GLDN: variants seen among roughly 807,000 people sequenced by gnomAD.
The protein encoded by GLDN is collomin.
A neutral mutation model predicts 56.5 loss-of-function variants in GLDN; 47 were observed. The observed-to-expected ratio is 0.83, with a 90% CI of 0.66 to 1.06. The LOEUF (loss-of-function observed/expected upper bound fraction) is 1.06, where lower values mean the gene tolerates loss of function less well. Among genes scored for constraint, GLDN ranks in the 50% least tolerant of loss-of-function variants. The pLI, the probability that GLDN is intolerant of heterozygous loss-of-function variation, is 0.00. For missense variants in GLDN, 782 were observed against 714.3 expected, an observed-to-expected ratio of 1.09 and a Z score of -1.08; for synonymous variants, 332 against 278.8, an observed-to-expected ratio of 1.19 and a Z score of -1.90.
In GLDN at chr15:51,404,333, T is replaced by C. The variant is rs1315965131; in HGVS notation, c.1235T>C (p.Phe412Ser). The change falls in exon 10 of 10, where the codon TTT becomes TCT. Residue 412 changes from phenylalanine (F) to serine (S), a missense_variant. Transcript: ENST00000335449. ...QTLKLENALY[F>S]DRKYLFANSK... Reference sequence around the variant, plus strand: ...CTGAAGCTTGAAAATGCCTTGTATTTTGATCGAAAATACCTTTTTGCAAAT... The same window carrying C: ...CTGAAGCTTGAAAATGCCTTGTATTCTGATCGAAAATACCTTTTTGCAAAT... The C allele has an allele frequency of 9.9e-6, 16 of 1,612,728 alleles. No individual in the cohort carries two copies. The highest frequency in any genetic ancestry group is 1.4e-5 in the Non-Finnish European group (16 of 1,179,650).
chr15:51,368,737 C>T (rs529953828), intron 1 of GLDN, among the ~76,000 whole-genome samples: 2 of 152,020 alleles, frequency 1.3e-5, no homozygotes, highest in Non-Finnish European at 1.5e-5. Flanking sequence ...AAGGAGGAAG[C>T]GTTTTGGCCT....
intron 8 of GLDN, 61 bp from the exon 9 acceptor site, chr15:51,401,532 C>A: frequency 6.7e-7 from 1 of 1,497,788 alleles, no homozygotes. Flanking sequence ...CCCAAGGACT[C>A]CCTCCCAAGC....
intron 8 of GLDN, 127 bp from the exon 9 acceptor site, chr15:51,401,466 T>C (rs894023371): frequency 3.8e-6 from 3 of 789,920 alleles, no homozygotes; most frequent in Non-Finnish European, 6.3e-6. Flanking sequence ...CTCTTCACAC[T>C]GGACAAGGGA....
chr15:51,397,462 CT>C lies in GLDN; in HGVS notation c.689-7del. 1 of 1,456,470 alleles carries C rather than the reference CT, an allele frequency of 6.9e-7. No individual in the cohort carries two copies. The highest frequency in any genetic ancestry group is 1.5e-5 in the South Asian group (1 of 67,100). The allele number at this position is 1,456,470 out of a possible 1,614,324, so 90.2% of individuals were successfully genotyped here. A position where few individuals can be genotyped will look rare whatever the true frequency, so the allele number is the denominator to read the frequency against. Reference sequence around the variant, plus strand: ...TCCTTCTCTCCCTTTCTCTCTCTCTCTCTCCAGGTGCCAAAGGTGACCAAGG... The same window carrying C: ...TCCTTCTCTCCCTTTCTCTCTCTCTCCTCCAGGTGCCAAAGGTGACCAAGG... On this transcript the variant is annotated splice_region_variant and splice_polypyrimidine_tract_variant and intron_variant, in intron 5 of 9. Transcript: ENST00000335449.
Position 51,400,171 on chromosome 15 carries a change from T to C in GLDN, c.818-21T>C, listed in dbSNP as rs202227022. ...ACTGTGCCAACCGTATCGGCTCTGA[T>C]GATTATTGTTGTCATTTTAGGTGAG... On this transcript the variant is annotated intron_variant, in intron 6 of 9. Coordinates refer to ENST00000335449, the MANE Select transcript of GLDN (RefSeq NM_181789.4). 11 of 1,608,542 alleles carry C rather than the reference T, an allele frequency of 6.8e-6. No homozygotes were observed. In the African/African-American group the frequency reaches 1.1e-4, roughly 16 times the overall value.
chr15:51,359,957 C>A (rs55926034), intron 1 of GLDN, among the ~76,000 whole-genome samples: 2 of 142,812 alleles, frequency 1.4e-5, no homozygotes, highest in South Asian at 4.4e-4. Context: ...CCAGCCTGGG[C>A]GACATTGTGA....
At chr15:51,369,764 T>C (rs1368128164) in intron 1 of GLDN, among the ~76,000 whole-genome samples, 3 of 152,332 alleles carry the variant, frequency 2.0e-5, no homozygotes, top group East Asian at 3.9e-4. Flanking sequence ...ATATGAAAAG[T>C]ACACTAAAGC....
chr15:51,349,569 A>G (rs2037037814), intron 1 of GLDN, among the ~76,000 whole-genome samples: 1 of 152,252 alleles, frequency 6.6e-6, no homozygotes, highest in South Asian at 2.1e-4. Context: ...AGTCATGCCC[A>G]TTTGTTTACA....
At chr15:51,352,205 C>T (rs1055653772) in intron 1 of GLDN, among the ~76,000 whole-genome samples, 3 of 151,940 alleles carry the variant, frequency 2.0e-5, no homozygotes, top group Admixed American at 6.6e-5. Context: ...TCACCTTCCA[C>T]CATGGTGGAA....
At chr15:51,378,060 G>A (rs1214915754) in intron 2 of GLDN, among the ~76,000 whole-genome samples, 3 of 152,208 alleles carry the variant, frequency 2.0e-5, no homozygotes, top group African/African-American at 7.2e-5. Context: ...GCATCAGGTT[G>A]TAGGAAGCCT....
chr15:51,401,262 G>A (rs147059946), intron 8 of GLDN, among the ~76,000 whole-genome samples: 5 of 152,336 alleles, frequency 3.3e-5, no homozygotes, highest in African/African-American at 7.2e-5. Flanking sequence ...TTGCCCAAGC[G>A]CCAAGTATCT....
downstream of GLDN, among the ~76,000 whole-genome samples, chr15:51,411,143 A>T (rs572804537): frequency 1.3e-5 from 2 of 152,376 alleles, no homozygotes; most frequent in South Asian, 4.1e-4. Context: ...GGCCCACTGA[A>T]AACAGATAAA....
At chr15:51,374,046 G>C (rs114104715) in intron 1 of GLDN, among the ~76,000 whole-genome samples, 1 of 151,942 alleles carries the variant, frequency 6.6e-6, no homozygotes, top group Non-Finnish European at 1.5e-5. Flanking sequence ...GCCCAATTTC[G>C]TTAAAAGACT....
At chr15:51,351,738 C>T (rs2037080270) in intron 1 of GLDN, among the ~76,000 whole-genome samples, 1 of 152,178 alleles carries the variant, frequency 6.6e-6, no homozygotes, top group Non-Finnish European at 1.5e-5. Context: ...AAGTTCCCAG[C>T]CCCATTCTCT....
intron 1 of GLDN, 61 bp downstream of exon 1, chr15:51,342,108 C>A (rs2036897559): frequency 6.4e-7 from 1 of 1,573,964 alleles, no homozygotes; most frequent in South Asian, 1.1e-5. Flanking sequence ...GGGTGTGGGG[C>A]GAGGACGCCG....
intron 1 of GLDN, among the ~76,000 whole-genome samples, chr15:51,372,679 C>G (rs952366030): frequency 1.3e-5 from 2 of 152,194 alleles, no homozygotes; most frequent in Admixed American, 6.5e-5. Context: ...TTGTCATCTT[C>G]TCTCAGAGAA....
chr15:51,394,753 A>T, intron 4 of GLDN, 82 bp from the exon 5 acceptor site: 2 of 1,452,410 alleles, frequency 1.4e-6, no homozygotes, highest in Non-Finnish European at 1.9e-6. Context: ...CTTCCCTGGA[A>T]AGCACAAAGC....
At chr15:51,382,601 C>T (rs1158943054) in intron 2 of GLDN, among the ~76,000 whole-genome samples, 1 of 151,334 alleles carries the variant, frequency 6.6e-6, no homozygotes, top group Non-Finnish European at 1.5e-5. Context: ...TGGCGGGTGC[C>T]TGTAGTCCCA....
At chr15:51,411,880 A>G (rs2038469155), downstream of GLDN, among the ~76,000 whole-genome samples, 1 of 152,236 alleles carries the variant, frequency 6.6e-6, no homozygotes, top group Non-Finnish European at 1.5e-5. Flanking sequence ...GCTACCTCAA[A>G]TTGTACTTTC....
Sources: allele counts gnomAD v4.1 joint callset (sites outside exome capture counted in the v4.1 genomes callset), GRCh38; gene constraint gnomAD v4.1.1; transcripts MANE v1.5; gene names NCBI Gene and HGNC (gene_info 2026-07-23, HGNC 2026-07-21).